Variants in ITGA9 observed in about 807,000 individuals in gnomAD.
The protein encoded by ITGA9 is integrin subunit alpha 9, also known as integrin alpha-9.
ITGA9 carries 56 observed loss-of-function variants against 127.8 expected under a neutral mutation model. The observed-to-expected ratio is 0.44, with a 90% CI of 0.35 to 0.55. The LOEUF (loss-of-function observed/expected upper bound fraction) is 0.55. Ranked by LOEUF, ITGA9 falls within the 20% of genes least tolerant of loss-of-function variation. The pLI is 0.00. For synonymous variants in ITGA9, 508 were observed against 514.5 expected (o/e 0.99, Z 0.17); for missense variants, 1,196 against 1,347.1 (o/e 0.89, Z 1.76).
chr3:37,794,003 A>G (rs2125558223), intron 26 of ITGA9, among the ~76,000 whole-genome samples: 1 of 152,344 alleles, frequency 6.6e-6, no homozygotes, highest in African/African-American at 2.4e-5. Context: ...TCTTGGCCAC[A>G]GATGGAAATG....
intron 4 of ITGA9, among the ~76,000 whole-genome samples, chr3:37,483,060 C>T (rs923266684): frequency 2.0e-5 from 3 of 152,102 alleles, no homozygotes; most frequent in East Asian, 3.9e-4. Context: ...CTGGAACAAC[C>T]GGTGGGGCAG....
intron 15 of ITGA9, among the ~76,000 whole-genome samples, chr3:37,579,226 A>G (rs1171962380): frequency 6.6e-6 from 1 of 152,120 alleles, no homozygotes; most frequent in Non-Finnish European, 1.5e-5. Context: ...AACCCAAATA[A>G]GTTTATGCAG....
In ITGA9 at chr3:37,591,410, C is replaced by CCATT. The variant is rs1699816646; in HGVS notation, c.1690-37775_1690-37772dup. Among the ~76,000 whole-genome samples, 9 of 152,280 alleles carry CCATT rather than the reference C, an allele frequency of 5.9e-5. No homozygotes were observed. In the South Asian group the frequency reaches 1.9e-3, roughly 32 times the overall value. On this transcript the variant is annotated intron_variant, in intron 15 of 27. Transcript: ENST00000264741. ...GGACCCTAGTGTACCCCACCCTTAG[C>CCATT]CATTCCTGCAGTGGACTGAGTGCCC...
At chr3:37,525,764 TGTG>T (rs1699086384) in intron 12 of ITGA9, among the ~76,000 whole-genome samples, 1 of 152,216 alleles carries the variant, frequency 6.6e-6, no homozygotes, top group Non-Finnish European at 1.5e-5. Context: ...GTCTTTGAAA[TGTG>T]GTGTGTAGTT....
intron 15 of ITGA9, among the ~76,000 whole-genome samples, chr3:37,573,394 A>G (rs1575154604): frequency 6.6e-6 from 1 of 152,180 alleles, no homozygotes; most frequent in East Asian, 1.9e-4. Context: ...GGGCTGTGAA[A>G]TAATCATTTT....
intron 25 of ITGA9, among the ~76,000 whole-genome samples, chr3:37,784,698 G>A (rs1274085905): frequency 1.3e-5 from 2 of 152,094 alleles, no homozygotes; most frequent in Non-Finnish European, 2.9e-5. Context: ...CAAATATCTG[G>A]CTCTAACTGC....
Position 37,562,110 on chromosome 3 carries a change from C to T in ITGA9, c.1689+19525C>T, listed in dbSNP as rs557374901. 3.4e-3 allele frequency among the ~76,000 whole-genome samples: 517 copies of T among 152,288 alleles called. 5 individuals are homozygous for T. Among genetic ancestry groups the T allele is most frequent in the African/African-American group, 0.012 (495 of 41,570 alleles). ...AGAGCCACGAATGGGGCACTCGGGG[C>T]CGTGACAGGCATCCCTTAGCTCTGG... On this transcript the variant is annotated intron_variant, in intron 15 of 27. Coordinates refer to ENST00000264741, the MANE Select transcript of ITGA9 (RefSeq NM_002207.3).
At chr3:37,614,777 G>A (rs1179128317) in intron 15 of ITGA9, among the ~76,000 whole-genome samples, 1 of 152,000 alleles carries the variant, frequency 6.6e-6, no homozygotes, top group African/African-American at 2.4e-5. Flanking sequence ...GTCTGTTATT[G>A]GTGTATAAGA....
chr3:37,609,246 G>T (rs370870675), intron 15 of ITGA9, among the ~76,000 whole-genome samples: 85 of 152,206 alleles, frequency 5.6e-4, no homozygotes, highest in African/African-American at 1.9e-3. Flanking sequence ...CCCTTTAATA[G>T]GGAAGGGTTT....
At chr3:37,600,699 A>G (rs1699914798) in intron 15 of ITGA9, among the ~76,000 whole-genome samples, 1 of 152,136 alleles carries the variant, frequency 6.6e-6, no homozygotes. Context: ...CCAGCCTTAA[A>G]GTGGTCTGTG....
intron 15 of ITGA9, among the ~76,000 whole-genome samples, chr3:37,553,519 G>A (rs1699398663): frequency 6.6e-6 from 1 of 152,204 alleles, no homozygotes; most frequent in Non-Finnish European, 1.5e-5. Context: ...GAATACCACA[G>A]AATACTTGTG....
rs149905735 is a variant in ITGA9, at chr3:37,624,693, G to A, written c.1690-4494G>A. On this transcript the variant is annotated intron_variant, in intron 15 of 27. Transcript: ENST00000264741. ...TGTGATTGCAGCTCACTGCACCTCCGCCTCCTGGGTTCAAGCAATTCTCCT... is the reference window on the plus strand; with the variant it reads ...TGTGATTGCAGCTCACTGCACCTCCACCTCCTGGGTTCAAGCAATTCTCCT... 1.2e-3 allele frequency among the ~76,000 whole-genome samples: 180 copies of A among 152,178 alleles called. No homozygotes were observed. In the Middle Eastern group the frequency reaches 0.014, roughly 12 times the overall value.
intron 9 of ITGA9, among the ~76,000 whole-genome samples, chr3:37,515,731 GTCAA>G (rs1559525792): frequency 6.6e-6 from 1 of 152,140 alleles, no homozygotes; most frequent in African/African-American, 2.4e-5. Flanking sequence ...GTGAGACCTT[GTCAA>G]TCAGTTAGTC....
At chr3:37,615,184 G>T (rs1387203406) in intron 15 of ITGA9, among the ~76,000 whole-genome samples, 1 of 152,160 alleles carries the variant, frequency 6.6e-6, no homozygotes, top group Non-Finnish European at 1.5e-5. Context: ...AAGCATTGTT[G>T]AATTTTGTCA....
chr3:37,733,029 C>T, intron 19 of ITGA9: 2 of 539,462 alleles, frequency 3.7e-6, no homozygotes, highest in Non-Finnish European at 3.4e-6. Flanking sequence ...TGATGTACCC[C>T]AAATGTGAAA....
chr3:37,743,130 C>G (rs1696458267), intron 21 of ITGA9, among the ~76,000 whole-genome samples: 1 of 152,214 alleles, frequency 6.6e-6, no homozygotes, highest in African/African-American at 2.4e-5. Context: ...GAACCTAAAA[C>G]AGCTCTTGCC....
intron 13 of ITGA9, among the ~76,000 whole-genome samples, chr3:37,527,776 CTT>C (rs34888170): frequency 1.8e-4 from 27 of 149,076 alleles, no homozygotes; most frequent in African/African-American, 2.7e-4. Context: ...TGAAAACAGG[CTT>C]TTTTTTTTTC....
chr3:37,532,975 C>T (rs9857091), intron 13 of ITGA9, among the ~76,000 whole-genome samples: 6,140 of 152,236 alleles, frequency 0.04, 402 homozygotes, highest in African/African-American at 0.14. Context: ...GTATTCTTAT[C>T]TCCCTAATAA....
At chr3:37,624,578 C>T (rs576692438) in intron 15 of ITGA9, among the ~76,000 whole-genome samples, 4 of 152,204 alleles carry the variant, frequency 2.6e-5, no homozygotes, top group African/African-American at 9.6e-5. Flanking sequence ...ATGTTGGCCT[C>T]CCTGCCCCTG....
Sources: gnomAD v4.1 joint callset for allele counts (sites outside exome capture counted in the v4.1 genomes callset) on GRCh38, gnomAD v4.1.1 for gene constraint, MANE v1.5 for transcripts, NCBI Gene and HGNC (gene_info 2026-07-23, HGNC 2026-07-21) for gene names.